Variants in LMO7 observed in about 807,000 individuals in gnomAD.
The protein encoded by LMO7 is LIM domain only protein 7.
A neutral mutation model predicts 206.5 loss-of-function variants in LMO7; 120 were observed. That is an observed-to-expected ratio of 0.58 (90% confidence interval 0.50 to 0.68). The LOEUF (loss-of-function observed/expected upper bound fraction) is 0.68, where lower values mean the gene tolerates loss of function less well. Ranked by LOEUF, LMO7 falls within the 30% of genes least tolerant of loss-of-function variation. The pLI is 0.00. For missense variants in LMO7, 1,959 were observed against 1,957.9 expected, an observed-to-expected ratio of 1.00 and a Z score of -0.01; for synonymous variants, 706 against 681.5, an observed-to-expected ratio of 1.04 and a Z score of -0.56.
chr13:75,824,335 A>G lies in LMO7; in HGVS notation c.2949+462A>G, dbSNP rs142950602. Among the ~76,000 whole-genome samples, 887 of 152,242 alleles carry G rather than the reference A, an allele frequency of 5.8e-3. 15 individuals are homozygous for G. The highest frequency in any genetic ancestry group is 0.02 in the African/African-American group (836 of 41,540). On this transcript the variant is annotated intron_variant, in intron 15 of 30. Coordinates refer to ENST00000377534, the MANE Select transcript of LMO7 (RefSeq NM_001306080.2). ...CTAGGGACATGGCATTTCTTTTTCG[A>G]TAATTTTAACCTTCTAGTGACTTTT...
At position 75,804,274 on chromosome 13, in the gene LMO7, G is replaced by C; in HGVS notation, c.662-15G>C. ...AATCTGGAGAGTAAAGCAAATTCTT[G>C]TGCCTTCTTTATAGGTTTTGAAAGT... On this transcript the variant is annotated splice_polypyrimidine_tract_variant and intron_variant, in intron 7 of 30. Coordinates refer to ENST00000377534, the MANE Select transcript of LMO7 (RefSeq NM_001306080.2). The C allele has an allele frequency of 6.2e-7, 1 of 1,605,904 alleles. No individual in the cohort carries two copies. Among genetic ancestry groups the C allele is most frequent in the Non-Finnish European group, 8.5e-7 (1 of 1,174,492 alleles).
At chr13:75,677,225 C>T (rs1308896683) in intron 1 of LMO7, among the ~76,000 whole-genome samples, 2 of 152,162 alleles carry the variant, frequency 1.3e-5, no homozygotes, top group African/African-American at 2.4e-5. Context: ...AAAATCTACT[C>T]TAATACTTTT....
At chr13:75,684,026 C>G (rs2040766694) in intron 1 of LMO7, among the ~76,000 whole-genome samples, 1 of 152,046 alleles carries the variant, frequency 6.6e-6, no homozygotes, top group South Asian at 2.1e-4. Context: ...TCAGCTTTTC[C>G]TGAATTCCAA....
intron 2 of LMO7, among the ~76,000 whole-genome samples, chr13:75,723,013 G>A (rs770886585): frequency 2.6e-5 from 4 of 152,144 alleles, no homozygotes; most frequent in Non-Finnish European, 2.9e-5. Flanking sequence ...TTGGGGACTC[G>A]GGGGAAAGAG....
At chr13:75,622,987 T>TA (rs201857365) in intron 1 of LMO7, among the ~76,000 whole-genome samples, 1,795 of 152,310 alleles carry the variant, frequency 0.012, 20 homozygotes, top group Non-Finnish European at 0.019. Flanking sequence ...TGCAGTTATT[T>TA]AAAAAATGAT....
chr13:75,666,748 A>G (rs2039103916), intron 1 of LMO7, among the ~76,000 whole-genome samples: 1 of 152,242 alleles, frequency 6.6e-6, no homozygotes, highest in African/African-American at 2.4e-5. Flanking sequence ...TTTGGATTTT[A>G]TCTTGAATGC....
At chr13:75,852,851 A>G (rs574367493) in intron 27 of LMO7, among the ~76,000 whole-genome samples, 7 of 152,318 alleles carry the variant, frequency 4.6e-5, no homozygotes, top group African/African-American at 1.7e-4. Context: ...GTTACAATGT[A>G]TGGTAGTTTA....
intron 2 of LMO7, chr13:75,627,943 C>T (rs2034427779): frequency 8.3e-6 from 1 of 120,828 alleles, no homozygotes; most frequent in Non-Finnish European, 1.7e-5. Context: ...GATAGGAAAC[C>T]CCTCTACTTG....
chr13:75,706,348 TA>T (rs1321825160), intron 1 of LMO7, among the ~76,000 whole-genome samples: 6 of 152,342 alleles, frequency 3.9e-5, no homozygotes, highest in South Asian at 2.1e-4. Flanking sequence ...TTTAAACTCA[TA>T]AAAAATTTTT....
chr13:75,658,309 A>G (rs187585998), intron 1 of LMO7, among the ~76,000 whole-genome samples: 2 of 152,090 alleles, frequency 1.3e-5, no homozygotes, highest in African/African-American at 4.8e-5. Flanking sequence ...GTATTTTTCC[A>G]TACAAGCTTT....
chr13:75,726,590 A>G (rs1011270457), intron 2 of LMO7, among the ~76,000 whole-genome samples: 3 of 152,108 alleles, frequency 2.0e-5, no homozygotes, highest in Non-Finnish European at 4.4e-5. Context: ...GTGGCAAAAT[A>G]ATATGATTTT....
intron 3 of LMO7, among the ~76,000 whole-genome samples, chr13:75,741,783 G>A (rs1362506445): frequency 1.3e-5 from 2 of 152,100 alleles, no homozygotes. Flanking sequence ...CATACTGAAT[G>A]GGCAAAAGCT....
At chr13:75,717,598 T>G (rs992622432) in intron 2 of LMO7, among the ~76,000 whole-genome samples, 6 of 151,986 alleles carry the variant, frequency 3.9e-5, no homozygotes, top group Non-Finnish European at 8.8e-5. Context: ...ATTTTTTTAT[T>G]TTTACAAATA....
intron 20 of LMO7, 55 bp downstream of exon 20, chr13:75,838,251 A>C: frequency 6.5e-7 from 1 of 1,526,740 alleles, no homozygotes; most frequent in South Asian, 1.1e-5. Context: ...CTCCCTCTCC[A>C]CTCTTCCTCA....
In LMO7 at chr13:75,853,267, G is replaced by A. The variant is rs71434812; in HGVS notation, c.4540G>A (p.Val1514Met). 0.076 allele frequency: 121,810 copies of A among 1,613,318 alleles called. 5,162 individuals carry two copies. Among genetic ancestry groups the A allele is most frequent in the Middle Eastern group, 0.13 (768 of 6,062 alleles). Residue 1514 changes from valine (V) to methionine (M), a missense_variant, in exon 28 of 31, where the codon GTG becomes ATG. Coordinates refer to ENST00000377534, the MANE Select transcript of LMO7 (RefSeq NM_001306080.2). ...RAYMRNPSSS[V>M]PPPSAGSVKT... The stretch of plus-strand genomic sequence containing the variant: ...CTACATGCGGAACCCCTCCTCCAGC[G>A]TGCCCCCACCTTCAGCTGGCTCCGT...
chr13:75,683,332 C>A (rs186856401), intron 1 of LMO7, among the ~76,000 whole-genome samples: 1 of 152,204 alleles, frequency 6.6e-6, no homozygotes, highest in East Asian at 1.9e-4. Context: ...TATAAAACTT[C>A]TAAAAGTTTT....
intron 3 of LMO7, among the ~76,000 whole-genome samples, chr13:75,755,768 A>G (rs2047642898): frequency 1.3e-5 from 2 of 152,138 alleles, no homozygotes; most frequent in Non-Finnish European, 2.9e-5. Context: ...AGTGATTCTC[A>G]CTTTGTGATA....
chr13:75,847,664 A>T (rs979996881), intron 26 of LMO7, among the ~76,000 whole-genome samples: 3 of 152,218 alleles, frequency 2.0e-5, no homozygotes, highest in Admixed American at 6.5e-5. Flanking sequence ...GCATTTGAGC[A>T]TGTTCTTGAT....
chr13:75,694,651 T>A (rs191263477), intron 1 of LMO7, among the ~76,000 whole-genome samples: 1 of 152,092 alleles, frequency 6.6e-6, no homozygotes, highest in African/African-American at 2.4e-5. Context: ...GTCTGGGACG[T>A]TGGGAGAATG....
Sources: gnomAD v4.1 joint callset for allele counts (sites outside exome capture counted in the v4.1 genomes callset) on GRCh38, gnomAD v4.1.1 for gene constraint, MANE v1.5 for transcripts, NCBI Gene and HGNC (gene_info 2026-07-23, HGNC 2026-07-21) for gene names.